SLC27A6: variants seen among roughly 807,000 people sequenced by gnomAD.
The protein encoded by SLC27A6 is solute carrier family 27 member 6.
A neutral mutation model predicts 63.9 loss-of-function variants in SLC27A6; 74 were observed. The observed-to-expected ratio is 1.16, with a 90% CI of 0.96 to 1.40. SLC27A6 has a LOEUF of 1.40. Ranked by LOEUF, SLC27A6 falls within the 40% of genes most tolerant of loss-of-function variation. The pLI is 0.00. For synonymous variants in SLC27A6, 287 were observed against 260.8 expected (o/e 1.10, Z -0.97); for missense variants, 794 against 732.9 (o/e 1.08, Z -0.96).
chr5:129,006,323 C>G (rs1751534554), intron 4 of SLC27A6, among the ~76,000 whole-genome samples: 4 of 151,926 alleles, frequency 2.6e-5, no homozygotes, highest in African/African-American at 7.3e-5. Context: ...ATCTCCTGAC[C>G]TCGTGATCTG....
At position 128,966,580 on chromosome 5, in the gene SLC27A6, T is replaced by A. The variant is rs199924682; in HGVS notation, c.443T>A (p.Ile148Asn). Reference sequence around the variant, plus strand: ...CGCTCCAACTCCCTCCTGAATTGCATCCGCGCCTGTGGGCCCAGAGCCCTA... The same window carrying A: ...CGCTCCAACTCCCTCCTGAATTGCAACCGCGCCTGTGGGCCCAGAGCCCTA... ...NIRSNSLLNC[I>N]RACGPRALVV... The change falls in exon 1 of 10, where the codon ATC becomes AAC. Residue 148 changes from isoleucine (I) to asparagine (N), a missense_variant. Coordinates refer to ENST00000262462, the MANE Select transcript of SLC27A6 (RefSeq NM_001017372.3). 369 of 1,548,098 alleles carry A rather than the reference T, an allele frequency of 2.4e-4. No individual in the cohort carries two copies. Among genetic ancestry groups the A allele is most frequent in the Admixed American group, 6.4e-4 (33 of 51,514 alleles).
At chr5:128,978,656 T>C (rs1424812856) in intron 1 of SLC27A6, among the ~76,000 whole-genome samples, 2 of 152,144 alleles carry the variant, frequency 1.3e-5, no homozygotes, top group African/African-American at 4.8e-5. Context: ...TTATGAAAAA[T>C]AGAGTTTTTC....
intron 1 of SLC27A6, among the ~76,000 whole-genome samples, chr5:128,983,133 G>C (rs570851069): frequency 6.6e-6 from 1 of 152,182 alleles, no homozygotes; most frequent in African/African-American, 2.4e-5. Flanking sequence ...TATGTTTCCA[G>C]GGAAATGTTT....
At chr5:129,032,518 G>A (rs1752445611) in intron 9 of SLC27A6, among the ~76,000 whole-genome samples, 2 of 151,960 alleles carry the variant, frequency 1.3e-5, no homozygotes, top group Admixed American at 6.6e-5. Flanking sequence ...TGTGAACCTT[G>A]AGCTAGTAGT....
intron 4 of SLC27A6, among the ~76,000 whole-genome samples, chr5:128,997,267 TA>T (rs1448639754): frequency 6.6e-6 from 1 of 152,182 alleles, no homozygotes; most frequent in Non-Finnish European, 1.5e-5. Flanking sequence ...AAGATCTAGT[TA>T]AAGACATTTA....
intron 4 of SLC27A6, among the ~76,000 whole-genome samples, chr5:128,992,773 C>T (rs2150137852): frequency 6.6e-6 from 1 of 152,046 alleles, no homozygotes; most frequent in Non-Finnish European, 1.5e-5. Flanking sequence ...GAATTAATGC[C>T]CTCCAGTAAG....
intron 4 of SLC27A6, among the ~76,000 whole-genome samples, chr5:129,011,375 T>C (rs1751723014): frequency 6.6e-6 from 1 of 152,132 alleles, no homozygotes; most frequent in Non-Finnish European, 1.5e-5. Context: ...CTTCATGGTG[T>C]TTTGATTTGT....
chr5:128,984,925 GGTCT>G (rs1379600153), intron 1 of SLC27A6, among the ~76,000 whole-genome samples: 1 of 152,148 alleles, frequency 6.6e-6, no homozygotes, highest in Non-Finnish European at 1.5e-5. Flanking sequence ...TGCTTGCATT[GGTCT>G]GTCAGGTGAT....
In SLC27A6 at chr5:129,000,615, T is replaced by G. The variant is rs149699661; in HGVS notation, c.969+10151T>G. Among the ~76,000 whole-genome samples, 773 of 152,254 alleles carry G rather than the reference T, an allele frequency of 5.1e-3. 6 individuals are homozygous for G. The highest frequency in any genetic ancestry group is 0.017 in the African/African-American group (707 of 41,546). ...GCAGGGAGTTGGGACTCTGATGCAT[T>G]CAGGTCACTGCAGAAATGACCTTGC... On this transcript the variant is annotated intron_variant, in intron 4 of 9. Transcript: ENST00000262462.
intron 4 of SLC27A6, among the ~76,000 whole-genome samples, chr5:129,007,578 A>G (rs1751586453): frequency 6.6e-6 from 1 of 152,072 alleles, no homozygotes; most frequent in Non-Finnish European, 1.5e-5. Context: ...CTTGGTTAAA[A>G]ATAAAAAGAA....
At chr5:129,004,500 G>C (rs1271030593) in intron 4 of SLC27A6, among the ~76,000 whole-genome samples, 1 of 152,122 alleles carries the variant, frequency 6.6e-6, no homozygotes, top group African/African-American at 2.4e-5. Context: ...TTTCACTTGT[G>C]TGAGTGTGTA....
chr5:129,019,534 A>G (rs1183321050), intron 5 of SLC27A6, among the ~76,000 whole-genome samples: 2 of 152,078 alleles, frequency 1.3e-5, no homozygotes, highest in African/African-American at 4.8e-5. Context: ...GGAAATGTTT[A>G]GAAAAACAAT....
chr5:128,983,586 G>A (rs986774618), intron 1 of SLC27A6, among the ~76,000 whole-genome samples: 1 of 151,836 alleles, frequency 6.6e-6, no homozygotes, highest in Non-Finnish European at 1.5e-5. Flanking sequence ...TGAGCCACCG[G>A]GCCTGGCCAA....
intron 4 of SLC27A6, among the ~76,000 whole-genome samples, chr5:129,012,478 G>C (rs1027045033): frequency 6.6e-6 from 1 of 151,810 alleles, no homozygotes; most frequent in African/African-American, 2.4e-5. Context: ...ACATAAATTA[G>C]GTCAAGTTGG....
At chr5:129,005,738 G>A (rs1038419928) in intron 4 of SLC27A6, among the ~76,000 whole-genome samples, 4 of 145,806 alleles carry the variant, frequency 2.7e-5, no homozygotes, top group African/African-American at 5.1e-5. Flanking sequence ...TCAGCCTCCC[G>A]AGTAGCTGGG....
chr5:129,008,457 A>C (rs767658346), intron 4 of SLC27A6, among the ~76,000 whole-genome samples: 10 of 152,238 alleles, frequency 6.6e-5, no homozygotes, highest in Non-Finnish European at 5.9e-5. Context: ...AGAGAATGCC[A>C]AGGCATCTTA....
chr5:128,974,067 T>A (rs1301116593), intron 1 of SLC27A6, among the ~76,000 whole-genome samples: 2 of 152,186 alleles, frequency 1.3e-5, no homozygotes, highest in Non-Finnish European at 2.9e-5. Context: ...ACAGTGTCCC[T>A]GAAAAAATGG....
At chr5:129,031,031 A>G (rs1193494844) in intron 9 of SLC27A6, among the ~76,000 whole-genome samples, 2 of 152,014 alleles carry the variant, frequency 1.3e-5, no homozygotes, top group East Asian at 3.9e-4. Flanking sequence ...GACAGGACAA[A>G]TAATATTTTA....
intron 2 of SLC27A6, 57 bp downstream of exon 2, chr5:128,985,393 G>T (rs1002539319): frequency 2.1e-6 from 3 of 1,452,356 alleles, no homozygotes; most frequent in Non-Finnish European, 2.9e-6. Flanking sequence ...CAAAGCAACA[G>T]TGTTGGGCAA....
Sources: gnomAD v4.1 joint callset for allele counts (sites outside exome capture counted in the v4.1 genomes callset) on GRCh38, gnomAD v4.1.1 for gene constraint, MANE v1.5 for transcripts, NCBI Gene and HGNC (gene_info 2026-07-23, HGNC 2026-07-21) for gene names.